The following PRKCE variants were observed in gnomAD, a reference collection of about 807,000 sequenced individuals.
PRKCE encodes the protein protein kinase C epsilon.
A neutral mutation model predicts 85.4 loss-of-function variants in PRKCE; 16 were observed. The observed-to-expected ratio is 0.19, with a 90% CI of 0.13 to 0.28. The LOEUF (loss-of-function observed/expected upper bound fraction) is 0.28. Ranked by LOEUF, PRKCE falls within the 10% of genes least tolerant of loss-of-function variation. The pLI, the probability that PRKCE is intolerant of heterozygous loss-of-function variation, is 1.00. For synonymous variants in PRKCE, 388 were observed against 371.5 expected, an observed-to-expected ratio of 1.04 and a Z score of -0.51; for missense variants, 573 against 975.2, an observed-to-expected ratio of 0.59 and a Z score of 5.49.
chr2:45,974,159 A>T (rs1702282175), intron 2 of PRKCE, among the ~76,000 whole-genome samples: 2 of 152,220 alleles, frequency 1.3e-5, no homozygotes, highest in Admixed American at 6.5e-5. Flanking sequence ...TGCTTATGAA[A>T]ATAGTAGAAC....
chr2:45,686,997 G>A (rs1213057709), intron 1 of PRKCE, among the ~76,000 whole-genome samples: 2 of 152,064 alleles, frequency 1.3e-5, no homozygotes, highest in Non-Finnish European at 1.5e-5. Flanking sequence ...AATATTAAAA[G>A]CAATAGAAGG....
chr2:46,104,551 G>A (rs1473976634), intron 11 of PRKCE, among the ~76,000 whole-genome samples: 6 of 151,974 alleles, frequency 3.9e-5, no homozygotes, highest in Admixed American at 3.3e-4. Context: ...TTTCCATAGA[G>A]TACTATATAC....
At chr2:46,147,630 T>C (rs1341164640) in intron 12 of PRKCE, among the ~76,000 whole-genome samples, 1 of 152,230 alleles carries the variant, frequency 6.6e-6, no homozygotes, top group East Asian at 1.9e-4. Flanking sequence ...GGTCTTGCTG[T>C]AGGCAAATTA....
At chr2:46,035,419 G>C (rs1325921242) in intron 10 of PRKCE, among the ~76,000 whole-genome samples, 2 of 152,232 alleles carry the variant, frequency 1.3e-5, no homozygotes, top group Non-Finnish European at 2.9e-5. Flanking sequence ...CCCAGGGCAG[G>C]CTCTTTTGTG....
chr2:45,988,529 C>CT (rs113726505), intron 6 of PRKCE, among the ~76,000 whole-genome samples: 4,660 of 152,294 alleles, frequency 0.031, 93 homozygotes, highest in Middle Eastern at 0.054. Flanking sequence ...AGCCCTTGTC[C>CT]TTTGCAGCCC....
chr2:46,125,888 A>C (rs183418104), intron 11 of PRKCE, among the ~76,000 whole-genome samples: 1 of 152,340 alleles, frequency 6.6e-6, no homozygotes, highest in East Asian at 1.9e-4. Context: ...ATCCAGTTGT[A>C]CGTGTCTTCG....
At chr2:46,100,616 G>A (rs1006280902) in intron 11 of PRKCE, among the ~76,000 whole-genome samples, 40 of 152,202 alleles carry the variant, frequency 2.6e-4, no homozygotes, top group Non-Finnish European at 5.4e-4. Context: ...TCATGCAAAA[G>A]CATTCATCAG....
At chr2:45,912,727 G>T (rs1460991419) in intron 2 of PRKCE, among the ~76,000 whole-genome samples, 1 of 152,166 alleles carries the variant, frequency 6.6e-6, no homozygotes, top group African/African-American at 2.4e-5. Flanking sequence ...GAACTTGGAG[G>T]CTTCTAACAC....
intron 2 of PRKCE, among the ~76,000 whole-genome samples, chr2:45,885,209 C>T (rs965929531): frequency 1.3e-5 from 2 of 151,904 alleles, no homozygotes; most frequent in Non-Finnish European, 2.9e-5. Context: ...GAATCTTTCC[C>T]CAGAAAGAAT....
chr2:45,944,428 T>C (rs976316582), intron 2 of PRKCE, among the ~76,000 whole-genome samples: 7 of 152,334 alleles, frequency 4.6e-5, no homozygotes, highest in South Asian at 2.1e-4. Flanking sequence ...TCAAAACTTA[T>C]TGACTCGTAA....
chr2:46,065,120 T>C (rs755775614), intron 10 of PRKCE, among the ~76,000 whole-genome samples: 51 of 152,198 alleles, frequency 3.4e-4, no homozygotes, highest in Non-Finnish European at 1.8e-4. Context: ...CCAAGCTTCT[T>C]TTCTGCAAAC....
At chr2:46,089,100 C>G (rs961782022) in intron 11 of PRKCE, among the ~76,000 whole-genome samples, 1 of 152,232 alleles carries the variant, frequency 6.6e-6, no homozygotes, top group African/African-American at 2.4e-5. Context: ...CTTCTCCCCA[C>G]TTGCCTTCCC....
rs556208473 is a variant in PRKCE, at chr2:45,758,197, A to C, written c.349-84803A>C. ...TGGGCAACCTTTGGGTAAATGACCT[A>C]AGTTCCCTGTGCCTTGGTTTTTCCA... is the stretch of plus-strand genomic sequence containing the variant. On this transcript the variant is annotated intron_variant, in intron 1 of 14. Coordinates refer to ENST00000306156, the MANE Select transcript of PRKCE (RefSeq NM_005400.3). 1.8e-3 allele frequency among the ~76,000 whole-genome samples: 274 copies of C among 152,312 alleles called. 1 individual carries two copies. The highest frequency in any genetic ancestry group is 3.3e-3 in the Non-Finnish European group (226 of 68,032).
intron 2 of PRKCE, among the ~76,000 whole-genome samples, chr2:45,848,214 CTTTT>C (rs1243693500): frequency 2.6e-5 from 4 of 152,206 alleles, no homozygotes; most frequent in African/African-American, 4.8e-5. Context: ...AATTTTACCT[CTTTT>C]CTTCTAAATT....
chr2:45,683,934 A>G (rs1677092235), intron 1 of PRKCE, among the ~76,000 whole-genome samples: 1 of 152,198 alleles, frequency 6.6e-6, no homozygotes, highest in Admixed American at 6.5e-5. Context: ...GACAGAAATA[A>G]TGTGGGAAGC....
In PRKCE at chr2:45,976,465, G is replaced by T. The variant is rs752964225; in HGVS notation, c.449G>T (p.Arg150Leu). The change falls in exon 3 of 15, where the codon CGC becomes CTC. Residue 150 changes from arginine (R) to leucine (L), a missense_variant. Transcript: ENST00000306156. ...KDNEERVFRE[R>L]MRPRKRQGAV... ...AATGAAGAGCGTGTGTTCAGGGAAC[G>T]CATGCGGCCGAGGAAGCGGCAGGGG... The T allele has an allele frequency of 1.9e-6, 3 of 1,599,752 alleles. No homozygotes were observed. The highest frequency in any genetic ancestry group is 2.5e-6 in the Non-Finnish European group (3 of 1,179,946).
intron 2 of PRKCE, among the ~76,000 whole-genome samples, chr2:45,863,466 G>T (rs892338980): frequency 6.6e-6 from 1 of 152,072 alleles, no homozygotes; most frequent in Non-Finnish European, 1.5e-5. Context: ...CTACCTGCAA[G>T]GGCCAGAGTG....
chr2:46,143,590 C>G (rs938249962), intron 11 of PRKCE, among the ~76,000 whole-genome samples: 1 of 152,132 alleles, frequency 6.6e-6, no homozygotes, highest in African/African-American at 2.4e-5. Context: ...TTTACCAGGA[C>G]AAGGCTACAA....
intron 1 of PRKCE, among the ~76,000 whole-genome samples, chr2:45,736,823 G>C (rs982014910): frequency 6.6e-6 from 1 of 152,206 alleles, no homozygotes; most frequent in Non-Finnish European, 1.5e-5. Flanking sequence ...GATGGTAAGC[G>C]ACTGTGGATT....
Sources: allele counts gnomAD v4.1 joint callset (sites outside exome capture counted in the v4.1 genomes callset), GRCh38; gene constraint gnomAD v4.1.1; transcripts MANE v1.5; gene names NCBI Gene and HGNC (gene_info 2026-07-23, HGNC 2026-07-21).